The following CCDC102B variants were observed in gnomAD, a reference collection of about 807,000 sequenced individuals.
The protein encoded by CCDC102B is coiled-coil domain containing 102B.
CCDC102B carries 75 observed loss-of-function variants against 57.4 expected under a neutral mutation model. The observed-to-expected ratio is 1.31, with a 90% CI of 1.08 to 1.58. The LOEUF (loss-of-function observed/expected upper bound fraction) is 1.58, where lower values mean the gene tolerates loss of function less well. Ranked by LOEUF, CCDC102B falls within the 40% of genes most tolerant of loss-of-function variation. The pLI is 0.00. For missense variants in CCDC102B, 636 were observed against 582.6 expected (o/e 1.09, Z -0.94); for synonymous variants, 206 against 201.9 (o/e 1.02, Z -0.17).
intron 6 of CCDC102B, among the ~76,000 whole-genome samples, chr18:68,934,982 G>A (rs528667747): frequency 6.6e-6 from 1 of 152,040 alleles, no homozygotes; most frequent in South Asian, 2.1e-4. Context: ...AGGTGGCGGT[G>A]AGTCCTATGG....
chr18:68,792,674 A>T (rs1308745010), intron 2 of CCDC102B, among the ~76,000 whole-genome samples: 1 of 152,198 alleles, frequency 6.6e-6, no homozygotes, highest in South Asian at 2.1e-4. Flanking sequence ...ACATACTTGA[A>T]CCGAGGCTTA....
intron 6 of CCDC102B, chr18:68,992,965 G>T (rs138388627): frequency 3.6e-4 from 62 of 172,896 alleles, no homozygotes; most frequent in Middle Eastern, 3.0e-3. Flanking sequence ...TCATTAGTAG[G>T]TGTCACTCAG....
intron 2 of CCDC102B, among the ~76,000 whole-genome samples, chr18:68,719,606 C>T (rs185470497): frequency 2.6e-5 from 4 of 152,300 alleles, no homozygotes; most frequent in South Asian, 4.1e-4. Context: ...CACCTCCCCC[C>T]ACCCCCAACA....
At chr18:68,956,358 A>ATAT (rs1480280348) in intron 6 of CCDC102B, among the ~76,000 whole-genome samples, 1,371 of 58,320 alleles carry the variant, frequency 0.024, 59 homozygotes, top group African/African-American at 0.058. Context: ...ATTAATATAT[A>ATAT]TAATATATAT....
intron 2 of CCDC102B, among the ~76,000 whole-genome samples, chr18:68,730,025 G>T (rs2032785444): frequency 6.6e-6 from 1 of 152,122 alleles, no homozygotes; most frequent in Non-Finnish European, 1.5e-5. Context: ...TTCAAAATAA[G>T]ACCTCATTGA....
At chr18:68,785,506 T>G (rs1178686145) in intron 2 of CCDC102B, among the ~76,000 whole-genome samples, 1 of 151,644 alleles carries the variant, frequency 6.6e-6, no homozygotes, top group Non-Finnish European at 1.5e-5. Flanking sequence ...CCTGACTTTT[T>G]AATGATTGCC....
At chr18:69,055,795 A>G (rs2052806381), downstream of CCDC102B, among the ~76,000 whole-genome samples, 1 of 152,082 alleles carries the variant, frequency 6.6e-6, no homozygotes. Context: ...CACAATCTCT[A>G]GATAAAAACA....
intron 6 of CCDC102B, among the ~76,000 whole-genome samples, chr18:68,929,731 G>A (rs2041601597): frequency 6.6e-6 from 1 of 151,564 alleles, no homozygotes; most frequent in African/African-American, 2.4e-5. Context: ...CATTTTCTTG[G>A]GTCTTACCTT....
chr18:68,977,249 A>G (rs2050461400), intron 6 of CCDC102B, among the ~76,000 whole-genome samples: 1 of 151,956 alleles, frequency 6.6e-6, no homozygotes, highest in Non-Finnish European at 1.5e-5. Context: ...TTACACTTCT[A>G]TACAAAGAAT....
chr18:68,840,053 G>T (rs770564393), intron 3 of CCDC102B, among the ~76,000 whole-genome samples: 2 of 152,124 alleles, frequency 1.3e-5, no homozygotes, highest in Non-Finnish European at 2.9e-5. Flanking sequence ...CTGGGAAAGA[G>T]AATAGTAATA....
chr18:68,979,712 TG>T lies in CCDC102B; in HGVS notation c.1264-31220del, dbSNP rs1347911332. On this transcript the variant is annotated intron_variant, in intron 6 of 7. Transcript: ENST00000360242. ...ATTTGCAAAGACCTCTTCACTTCCA[TG>T]GAGTCATAATTATATTAAGTATAAA... Among the ~76,000 whole-genome samples, 8 of 152,006 alleles carry T rather than the reference TG, an allele frequency of 5.3e-5. 1 individual carries two copies. Among genetic ancestry groups the T allele is most frequent in the Non-Finnish European group, 7.4e-5 (5 of 67,964 alleles).
rs546043597 is a variant in CCDC102B, at chr18:68,990,676, A to G, written c.1264-20258A>G. Among the ~76,000 whole-genome samples, 6 of 152,296 alleles carry G rather than the reference A, an allele frequency of 3.9e-5. No individual in the cohort carries two copies. In the East Asian group the frequency reaches 9.6e-4, roughly 24 times the overall value. ...TCAAAATTATTTCCACAGATGTTAA[A>G]GCTTTATAATTTTCCGCTTGAAGAA... is the stretch of plus-strand genomic sequence containing the variant. On this transcript the variant is annotated intron_variant, in intron 6 of 7. Transcript: ENST00000360242.
At chr18:68,995,044 G>A (rs1446524016) in intron 6 of CCDC102B, among the ~76,000 whole-genome samples, 2 of 152,202 alleles carry the variant, frequency 1.3e-5, no homozygotes, top group Non-Finnish European at 2.9e-5. Context: ...TCAGGCTGAG[G>A]TGGTCTCAGA....
chr18:68,809,284 C>G (rs1297083999), intron 1 of CCDC102B, among the ~76,000 whole-genome samples: 2 of 152,068 alleles, frequency 1.3e-5, no homozygotes, highest in Non-Finnish European at 2.9e-5. Context: ...TACTCTCAGC[C>G]TAGAATTCCC....
chr18:68,837,371 T>A lies in CCDC102B; in HGVS notation c.606+2T>A, dbSNP rs753248663. 2 of 1,596,032 alleles carry A rather than the reference T, an allele frequency of 1.3e-6. No homozygotes were observed. Among genetic ancestry groups the A allele is most frequent in the Admixed American group, 1.8e-5 (1 of 56,562 alleles). On this transcript the variant is annotated splice_donor_variant, in intron 2 of 7. Coordinates refer to ENST00000360242, the MANE Select transcript of CCDC102B (RefSeq NM_024781.3). LOFTEE classifies it high-confidence loss of function. ...ACAAAGGAGGACACAAATAATAAGG[T>A]AAGAAAAAAATCCAGAGATGATGTG...
chr18:69,038,958 ATC>A (rs572788958), intron 7 of CCDC102B, among the ~76,000 whole-genome samples: 227 of 152,098 alleles, frequency 1.5e-3, no homozygotes, highest in African/African-American at 5.2e-3. Context: ...TTAAATACTA[ATC>A]TTTTCCTTTC....
intron 6 of CCDC102B, among the ~76,000 whole-genome samples, chr18:68,968,317 T>G (rs184182244): frequency 6.6e-6 from 1 of 152,264 alleles, no homozygotes; most frequent in East Asian, 1.9e-4. Flanking sequence ...ATACTGAGCT[T>G]CTCTGACGCA....
Position 68,911,973 on chromosome 18 carries a change from T to A in CCDC102B, c.1263+14545T>A, listed in dbSNP as rs144486922. On this transcript the variant is annotated intron_variant, in intron 6 of 7. Coordinates refer to ENST00000360242, the MANE Select transcript of CCDC102B (RefSeq NM_024781.3). ...TAATATGAATTTAACCAATCCCATT[T>A]TGGTTTTGTAAAAGCTGTTACTGAA... 2.8e-3 allele frequency among the ~76,000 whole-genome samples: 433 copies of A among 152,212 alleles called. 4 individuals are homozygous for A. The highest frequency in any genetic ancestry group is 0.01 in the African/African-American group (416 of 41,538).
At chr18:69,020,113 A>T (rs2051789456) in intron 7 of CCDC102B, among the ~76,000 whole-genome samples, 2 of 151,778 alleles carry the variant, frequency 1.3e-5, no homozygotes, top group South Asian at 4.1e-4. Flanking sequence ...TGCTTCTATA[A>T]ATAAGAGGAT....
Sources: gnomAD v4.1 joint callset for allele counts (sites outside exome capture counted in the v4.1 genomes callset) on GRCh38, gnomAD v4.1.1 for gene constraint, MANE v1.5 for transcripts, NCBI Gene and HGNC (gene_info 2026-07-23, HGNC 2026-07-21) for gene names.